Variants in KASH5 observed in about 807,000 individuals in gnomAD.
KASH5 encodes the protein KASH domain containing 5.
KASH5 carries 72 observed loss-of-function variants against 84.2 expected under a neutral mutation model. That is an observed-to-expected ratio of 0.85 (90% CI 0.71 to 1.04). The LOEUF (loss-of-function observed/expected upper bound fraction) is 1.04. KASH5 is among the 50% of genes least tolerant of loss of function. The probability of loss-of-function intolerance (pLI) is 0.00; values close to 1 mark genes in which losing one functional copy is unlikely to be tolerated. For synonymous variants in KASH5, 260 were observed against 279.1 expected (o/e 0.93, Z 0.68); for missense variants, 650 against 701.0 (o/e 0.93, Z 0.82).
intron 2 of KASH5, among the ~76,000 whole-genome samples, chr19:49,394,242 A>C (rs1974100178): frequency 6.6e-6 from 1 of 152,090 alleles, no homozygotes; most frequent in Non-Finnish European, 1.5e-5. Context: ...CCAATTGGAC[A>C]CAAAAAGACA....
rs1974409050 is a variant in KASH5, at chr19:49,402,945, AAGAAGGTGG to A, written c.798+3439_798+3447del. On this transcript the variant is annotated intron_variant, in intron 9 of 19. Coordinates refer to ENST00000447857, the MANE Select transcript of KASH5 (RefSeq NM_144688.5). ...CTCTGGGAAGAAGGTGGTCTCTGGG[AAGAAGGTGG>A]TCTCTGGGAGGTTTGGTGGCTCCCT... 2.0e-5 allele frequency among the ~76,000 whole-genome samples: 3 copies of A among 151,974 alleles called. No individual in the cohort carries two copies. In the South Asian group the frequency reaches 6.3e-4, roughly 32 times the overall value.
In KASH5 at chr19:49,416,571, C is replaced by T. The variant is rs1290401303; in HGVS notation, c.1375-444C>T. Reference sequence around the variant, plus strand: ...AGACAGGATTCTTCATGAGGCCCAGCACAGGGGTGGGCACCTGTAGAAGAT... The same window carrying T: ...AGACAGGATTCTTCATGAGGCCCAGTACAGGGGTGGGCACCTGTAGAAGAT... On this transcript the variant is annotated intron_variant, in intron 17 of 19. Transcript: ENST00000447857. The surrounding 1 kb of genome is among the most constrained non-coding windows in gnomAD (Gnocchi z 5.4). Among the ~76,000 whole-genome samples the T allele has an allele frequency of 6.6e-6, 1 of 152,202 alleles. No homozygotes were observed. The highest frequency in any genetic ancestry group is 1.5e-5 in the Non-Finnish European group (1 of 68,032).
Position 49,409,011 on chromosome 19 carries a change from G to A in KASH5, c.1038G>A (p.Gln346=). 1 of 1,593,614 alleles carries A rather than the reference G, an allele frequency of 6.3e-7. No homozygotes were observed. Among genetic ancestry groups the A allele is most frequent in the Non-Finnish European group, 8.5e-7 (1 of 1,170,250 alleles). ...EISRLEEQLS[Q]TYEGPDELPE... ...CACGCCTGGAGGAGCAGCTGAGTCA[G>A]ACCTATGAGGGGCCCGATGAGTGAG... Residue 346 remains glutamine, a synonymous_variant, in exon 13 of 20, where the codon CAG becomes CAA. Coordinates refer to ENST00000447857, the MANE Select transcript of KASH5 (RefSeq NM_144688.5).
rs117728146 is a variant in KASH5 at position 49,414,196 on chromosome 19, G to T, written c.1329-755G>T. Among the ~76,000 whole-genome samples, 1,954 of 152,256 alleles carry T rather than the reference G, an allele frequency of 0.013. 24 individuals carry two copies. The highest frequency in any genetic ancestry group is 0.015 in the Non-Finnish European group (993 of 68,004). Reference sequence around the variant, plus strand: ...CCTCCTAGACCGAGACTCGCTGAGGGAAGGGTCAGGTCTCATCTCCTGGCC... The same window carrying T: ...CCTCCTAGACCGAGACTCGCTGAGGTAAGGGTCAGGTCTCATCTCCTGGCC... On this transcript the variant is annotated intron_variant, in intron 16 of 19. Transcript: ENST00000447857. This position sits in a 1 kb window ranked among gnomAD's most constrained non-coding sequence, Gnocchi z 4.5.
At chr19:49,403,498 C>T (rs986716099) in intron 9 of KASH5, among the ~76,000 whole-genome samples, 7 of 152,220 alleles carry the variant, frequency 4.6e-5, no homozygotes, top group African/African-American at 1.7e-4. Flanking sequence ...ACATAACGCC[C>T]CCAGCTGCAA....
intron 2 of KASH5, among the ~76,000 whole-genome samples, chr19:49,392,421 G>C: frequency 6.6e-6 from 1 of 152,128 alleles, no homozygotes; most frequent in East Asian, 1.9e-4. Flanking sequence ...ACTGAGGAAG[G>C]AGATCTTCCT....
Position 49,398,107 on chromosome 19 carries a change from G to T in KASH5, c.593G>T (p.Gly198Val). Residue 198 changes from glycine (G) to valine (V), a missense_variant, in exon 7 of 20, where the codon GGG (glycine) becomes GTG (valine). Coordinates refer to ENST00000447857, the MANE Select transcript of KASH5 (RefSeq NM_144688.5). ...ETAEEGSARL[G>V]EEILALRKQL... ...GCTGAGGAGGGGTCAGCACGCCTTG[G>T]GGAGGAGATCTTGGCTCTGCGTAAG... The T allele has an allele frequency of 6.2e-7, 1 of 1,604,560 alleles. No homozygotes were observed. The highest frequency in any genetic ancestry group is 1.1e-5 in the South Asian group (1 of 90,578).
chr19:49,388,806 G>C (rs1056889682), intron 1 of KASH5, among the ~76,000 whole-genome samples: 1 of 151,706 alleles, frequency 6.6e-6, no homozygotes, highest in Admixed American at 6.6e-5. Context: ...GAAATTGTCA[G>C]ACTTCTCCCT....
At chr19:49,397,550 G>A in intron 5 of KASH5, 101 bp from the exon 6 acceptor site, 2 of 1,011,308 alleles carry the variant, frequency 2.0e-6, no homozygotes, top group East Asian at 2.4e-5. Flanking sequence ...CCAGAGCACA[G>A]GTGAGGGTGG....
In KASH5 at chr19:49,417,377, G is replaced by C. The variant is rs145412981; in HGVS notation, c.1556G>C (p.Arg519Pro). The C allele has an allele frequency of 5.7e-5, 89 of 1,552,476 alleles. No individual in the cohort carries two copies. The highest frequency in any genetic ancestry group is 1.7e-4 in the Middle Eastern group (1 of 5,984). Reference protein sequence around the residue: ...CLPPQRLRVTRHPLIPAPVLG... With the variant: ...CLPPQRLRVTPHPLIPAPVLG... Reference sequence around the variant, plus strand: ...TCCCACCTCCCCACCAGAGTCACTCGACATCCACTGATCCCAGCTCCTGTC... The same window carrying C: ...TCCCACCTCCCCACCAGAGTCACTCCACATCCACTGATCCCAGCTCCTGTC... Residue 519 changes from arginine to proline, a missense_variant, in exon 20 of 20, where the codon CGA becomes CCA. Arg to Pro is a moderately radical substitution (Grantham distance 103). Transcript: ENST00000447857. The surrounding 1 kb of genome is among the most constrained non-coding windows in gnomAD (Gnocchi z 5.2).
At chr19:49,413,240 G>C (rs1015668303) in intron 16 of KASH5, among the ~76,000 whole-genome samples, 5 of 152,214 alleles carry the variant, frequency 3.3e-5, no homozygotes, top group South Asian at 4.1e-4. Flanking sequence ...CCCTGCCTTG[G>C]GGGAGGGCTC....
chr19:49,400,608 C>G (rs1974335986), intron 9 of KASH5, among the ~76,000 whole-genome samples: 1 of 151,908 alleles, frequency 6.6e-6, no homozygotes, highest in African/African-American at 2.4e-5. Flanking sequence ...AGGCTGGTCT[C>G]AAACTCCCGA....
In KASH5 at chr19:49,399,017, G is replaced by A. The variant is rs919185870; in HGVS notation, c.630-8G>A. On this transcript the variant is annotated splice_region_variant and splice_polypyrimidine_tract_variant and intron_variant, in intron 7 of 19. Transcript: ENST00000447857. This position sits in a 1 kb window ranked among gnomAD's most constrained non-coding sequence, Gnocchi z 4.4. Reference sequence around the variant, plus strand: ...TCGTATGGCTCATCTGCCCCCACCCGCATTCAGCACCCAGCAGGCCCTGCA... The same window carrying A: ...TCGTATGGCTCATCTGCCCCCACCCACATTCAGCACCCAGCAGGCCCTGCA... 87 of 1,548,196 alleles carry A rather than the reference G, an allele frequency of 5.6e-5. No individual in the cohort carries two copies. Among genetic ancestry groups the A allele is most frequent in the Admixed American group, 3.4e-4 (17 of 50,710 alleles).
intron 9 of KASH5, among the ~76,000 whole-genome samples, chr19:49,402,397 AACAAAAAAAG>A (rs2122157442): frequency 7.8e-6 from 1 of 128,180 alleles, no homozygotes; most frequent in South Asian, 2.4e-4. Context: ...AACAAAAAAA[AACAAAAAAAG>A]TAAATAAAAG....
At chr19:49,408,064 T>A (rs935714987) in intron 12 of KASH5, among the ~76,000 whole-genome samples, 1 of 152,122 alleles carries the variant, frequency 6.6e-6, no homozygotes, top group Non-Finnish European at 1.5e-5. Context: ...TACAGGTGCA[T>A]GCCAGCATGC....
At chr19:49,407,010 C>G in intron 10 of KASH5, 47 bp downstream of exon 10, 1 of 1,528,672 alleles carries the variant, frequency 6.5e-7, no homozygotes. Context: ...ACCCCGGGGC[C>G]ATTTTTCCCA....
Position 49,395,213 on chromosome 19 carries a change from G to T in KASH5, c.256G>T (p.Glu86Ter). ...GGCCAACAGCCTGGACCCCAATGGG[G>T]AGGGCCCTAAGGCCACTGTGGACTT... The part of the protein sequence containing the change: ...TLANSLDPNG[E>*]GPKATVDLDT... Residue 86 changes from glutamate to a stop codon, truncating the protein, a stop_gained, in exon 4 of 20, where the codon GAG (glutamate) becomes TAG (stop). Coordinates refer to ENST00000447857, the MANE Select transcript of KASH5 (RefSeq NM_144688.5). LOFTEE classifies it high-confidence loss of function. This position sits in a 1 kb window ranked among gnomAD's most constrained non-coding sequence, Gnocchi z 4.4. The T allele has an allele frequency of 1.2e-6, 2 of 1,612,400 alleles. No individual in the cohort carries two copies. The highest frequency in any genetic ancestry group is 1.7e-6 in the Non-Finnish European group (2 of 1,179,362).
At chr19:49,402,787 C>T (rs1234584016) in intron 9 of KASH5, among the ~76,000 whole-genome samples, 1 of 152,208 alleles carries the variant, frequency 6.6e-6, no homozygotes, top group Non-Finnish European at 1.5e-5. Flanking sequence ...TGCCATTCAG[C>T]CATTATAACC....
At chr19:49,394,811 G>C (rs1479572462) in intron 3 of KASH5, 17 of 590,872 alleles carry the variant, frequency 2.9e-5, no homozygotes, top group Non-Finnish European at 5.1e-5. Flanking sequence ...CAGAGTTTTG[G>C]GGTCGTGGGA....
Sources: gnomAD v4.1 joint callset for allele counts (sites outside exome capture counted in the v4.1 genomes callset) on GRCh38, gnomAD v4.1.1 for gene constraint, Gnocchi (gnomAD v3.1) non-coding constraint, MANE v1.5 for transcripts, NCBI Gene and HGNC (gene_info 2026-07-23, HGNC 2026-07-21) for gene names.